Variants in GPHN observed in about 807,000 individuals in gnomAD.
GPHN encodes gephyrin.
GPHN carries 17 observed loss-of-function variants against 95.5 expected under a neutral mutation model. The ratio of observed to expected loss-of-function variants is 0.18; its 90% CI spans 0.12 to 0.27. The LOEUF (loss-of-function observed/expected upper bound fraction) is 0.27. Ranked by LOEUF, GPHN falls within the 10% of genes least tolerant of loss-of-function variation. GPHN has a pLI of 1.00. For missense variants in GPHN, 660 were observed against 978.1 expected, an observed-to-expected ratio of 0.67 and a Z score of 4.34; for synonymous variants, 320 against 322.5, an observed-to-expected ratio of 0.99 and a Z score of 0.08.
At chr14:67,299,419 A>G in the GPHN span, among the ~76,000 whole-genome samples, 1 of 152,180 alleles carries the variant, frequency 6.6e-6, no homozygotes, top group African/African-American at 2.4e-5. Flanking sequence ...TTGGTTATCA[A>G]TTTTCTGATT....
intron 9 of GPHN, among the ~76,000 whole-genome samples, chr14:66,972,320 A>C (rs1292432330): frequency 6.6e-6 from 1 of 151,464 alleles, no homozygotes; most frequent in Non-Finnish European, 1.5e-5. Flanking sequence ...AAATAGTATT[A>C]CTGGCAAAAA....
At chr14:66,643,349 A>G (rs1241536188) in intron 1 of GPHN, among the ~76,000 whole-genome samples, 1 of 152,080 alleles carries the variant, frequency 6.6e-6, no homozygotes, top group African/African-American at 2.4e-5. Context: ...ACCTGAACAT[A>G]TATGTTATCT....
At chr14:67,646,653 C>T in the GPHN span, 1 of 1,610,454 alleles carries the variant, frequency 6.2e-7, no homozygotes, top group South Asian at 1.1e-5. Context: ...GGTACCACAA[C>T]TCCCAGGATT....
chr14:67,473,694 C>A, the GPHN span: 1 of 1,588,938 alleles, frequency 6.3e-7, no homozygotes. This position sits in a 1 kb window ranked among gnomAD's most constrained non-coding sequence, Gnocchi z 6.5. Flanking sequence ...GTAGATGAGG[C>A]AGCGCAGGAG....
At chr14:66,993,831 C>T (rs1438139668) in intron 9 of GPHN, among the ~76,000 whole-genome samples, 1 of 151,990 alleles carries the variant, frequency 6.6e-6, no homozygotes, top group Non-Finnish European at 1.5e-5. Flanking sequence ...GGCATTTTGG[C>T]ATTTACTTAT....
chr14:66,715,307 T>C, intron 2 of GPHN, among the ~76,000 whole-genome samples: 1 of 152,178 alleles, frequency 6.6e-6, no homozygotes, highest in East Asian at 1.9e-4. Context: ...TATATTTCTG[T>C]GGTGTCAGTT....
the GPHN span, among the ~76,000 whole-genome samples, chr14:67,675,381 T>C: frequency 6.6e-6 from 1 of 151,126 alleles, no homozygotes; most frequent in Non-Finnish European, 1.5e-5. Context: ...GCGCGCACTT[T>C]TGGCCCCAGC....
chr14:66,515,922 G>T (rs1385312594), intron 1 of GPHN, among the ~76,000 whole-genome samples: 1 of 152,122 alleles, frequency 6.6e-6, no homozygotes, highest in Non-Finnish European at 1.5e-5. Context: ...TATGTTTCAA[G>T]GAATAAGGTG....
At chr14:67,345,160 T>G in the GPHN span, among the ~76,000 whole-genome samples, 12,369 of 152,016 alleles carry the variant, frequency 0.081, 1,195 homozygotes, top group African/African-American at 0.23. Flanking sequence ...GCGGATCACT[T>G]AAGCCCAGGA....
At chr14:66,785,015 A>G (rs1414658097) in intron 3 of GPHN, among the ~76,000 whole-genome samples, 1 of 152,232 alleles carries the variant, frequency 6.6e-6, no homozygotes, top group Admixed American at 6.5e-5. Flanking sequence ...GTAGGTAGTA[A>G]GCAATAGGAT....
At chr14:67,711,472 T>A in the GPHN span, among the ~76,000 whole-genome samples, 1 of 152,238 alleles carries the variant, frequency 6.6e-6, no homozygotes, top group Non-Finnish European at 1.5e-5. Context: ...AAAAAGGATT[T>A]GACTAGTCTT....
intron 2 of GPHN, among the ~76,000 whole-genome samples, chr14:66,706,852 A>T (rs752001767): frequency 6.6e-6 from 1 of 152,166 alleles, no homozygotes; most frequent in African/African-American, 2.4e-5. Context: ...ACAGCAAAAG[A>T]AACTATCCTC....
the GPHN span, among the ~76,000 whole-genome samples, chr14:67,661,371 C>A: frequency 6.8e-6 from 1 of 146,812 alleles, no homozygotes; most frequent in Non-Finnish European, 1.5e-5. Context: ...ACGGAACCAA[C>A]TTCTGACAAA....
chr14:66,532,235 C>T (rs754744518), intron 1 of GPHN, among the ~76,000 whole-genome samples: 20 of 152,092 alleles, frequency 1.3e-4, no homozygotes, highest in Middle Eastern at 3.2e-3. Context: ...GTTCTGCTTC[C>T]GGTGGCATTT....
the GPHN span, among the ~76,000 whole-genome samples, chr14:67,720,586 A>G: frequency 6.6e-6 from 1 of 152,146 alleles, no homozygotes; most frequent in African/African-American, 2.4e-5. Flanking sequence ...TGTCCCTTCC[A>G]CTGATTTGAA....
the GPHN span, among the ~76,000 whole-genome samples, chr14:67,355,449 CAAAAAAAAAA>C: frequency 1.7e-3 from 32 of 18,960 alleles, no homozygotes; most frequent in South Asian, 5.8e-3. Context: ...GACCCTGTCT[CAAAAAAAAAA>C]AAAAAAAAAA....
At chr14:66,935,045 A>G (rs2067036663) in intron 8 of GPHN, among the ~76,000 whole-genome samples, 1 of 152,240 alleles carries the variant, frequency 6.6e-6, no homozygotes, top group African/African-American at 2.4e-5. Context: ...AAGGAGGAAG[A>G]GGATGAAAAT....
the GPHN span, among the ~76,000 whole-genome samples, chr14:67,407,888 G>A: frequency 1.3e-5 from 2 of 152,058 alleles, no homozygotes; most frequent in Non-Finnish European, 2.9e-5. Context: ...CAGGAAGTTC[G>A]CTTGAGCTCA....
At chr14:67,709,329 T>C in the GPHN span, among the ~76,000 whole-genome samples, 3 of 152,188 alleles carry the variant, frequency 2.0e-5, no homozygotes, top group African/African-American at 7.2e-5. Flanking sequence ...TAAGCCCTAA[T>C]AAAAACAGCA....
Sources: allele counts gnomAD v4.1 joint callset (sites outside exome capture counted in the v4.1 genomes callset), GRCh38; gene constraint gnomAD v4.1.1; non-coding constraint Gnocchi (gnomAD v3.1); transcripts MANE v1.5; gene names NCBI Gene and HGNC (gene_info 2026-07-23, HGNC 2026-07-21).